Variants in GPC6 observed in about 807,000 individuals in gnomAD.
GPC6 encodes glypican-6.
In GPC6, 14 loss-of-function variants were observed where a neutral mutation model predicts 55.2. That is an observed-to-expected ratio of 0.25 (90% confidence interval 0.17 to 0.40). The LOEUF is 0.40. GPC6 is among the 10% of genes least tolerant of loss of function. GPC6 has a pLI of 1.00. For synonymous variants in GPC6, 278 were observed against 259.6 expected (o/e 1.07, Z -0.68); for missense variants, 641 against 708.5 (o/e 0.90, Z 1.08).
intron 4 of GPC6, among the ~76,000 whole-genome samples, chr13:94,084,335 C>T (rs970872235): frequency 6.6e-6 from 1 of 152,168 alleles, no homozygotes; most frequent in Non-Finnish European, 1.5e-5. Context: ...CTCCCTTCTA[C>T]ACAGTGTTTC....
At chr13:93,320,362 A>G (rs990220767) in intron 1 of GPC6, among the ~76,000 whole-genome samples, 37 of 151,884 alleles carry the variant, frequency 2.4e-4, no homozygotes, top group African/African-American at 8.9e-4. Context: ...ATATATATAA[A>G]TTTTTTAAAT....
chr13:93,231,375 A>G (rs1318877598), intron 1 of GPC6, among the ~76,000 whole-genome samples: 17 of 17,510 alleles, frequency 9.7e-4, no homozygotes, highest in African/African-American at 2.5e-3. Flanking sequence ...ATATATATAT[A>G]TATACATATA....
intron 6 of GPC6, among the ~76,000 whole-genome samples, chr13:94,342,845 G>T (rs963848241): frequency 6.6e-6 from 1 of 151,942 alleles, no homozygotes; most frequent in African/African-American, 2.4e-5. Context: ...AGACTGTCTC[G>T]CCAGCTCCCC....
chr13:93,830,334 G>T lies in GPC6; in HGVS notation c.500G>T (p.Arg167Leu), dbSNP rs751682331. 6.2e-7 allele frequency: 1 copy of T among 1,613,904 alleles called. No homozygotes were observed. The change falls in exon 3 of 9, where the codon CGG (arginine) becomes CTG (leucine). Residue 167 changes from arginine to leucine, a missense_variant. Coordinates refer to ENST00000377047, the MANE Select transcript of GPC6 (RefSeq NM_005708.5). ...LEEMLNDFWA[R>L]LLERMFQLIN... Reference sequence around the variant, plus strand: ...GAAATGCTCAATGACTTTTGGGCTCGGCTCCTGGAACGGATGTTTCAGCTG... The same window carrying T: ...GAAATGCTCAATGACTTTTGGGCTCTGCTCCTGGAACGGATGTTTCAGCTG...
At chr13:93,995,756 A>C (rs1881517533) in intron 3 of GPC6, among the ~76,000 whole-genome samples, 1 of 152,232 alleles carries the variant, frequency 6.6e-6, no homozygotes, top group African/African-American at 2.4e-5. Flanking sequence ...ATACCTTCTG[A>C]ATATTATTCA....
intron 1 of GPC6, among the ~76,000 whole-genome samples, chr13:93,534,540 G>A (rs992393368): frequency 3.0e-4 from 45 of 152,112 alleles, no homozygotes; most frequent in African/African-American, 1.0e-3. Context: ...TTCCCACCAC[G>A]CCACTCACCA....
intron 4 of GPC6, among the ~76,000 whole-genome samples, chr13:94,229,364 C>T (rs1341136210): frequency 6.6e-6 from 1 of 152,088 alleles, no homozygotes; most frequent in African/African-American, 2.4e-5. Context: ...TTATCAACGG[C>T]TATTTTATGT....
chr13:93,944,305 G>A (rs955482766), intron 3 of GPC6, among the ~76,000 whole-genome samples: 8 of 152,058 alleles, frequency 5.3e-5, no homozygotes, highest in Admixed American at 5.2e-4. Flanking sequence ...CCAGGTTCAC[G>A]CCATTCTCCT....
intron 2 of GPC6, among the ~76,000 whole-genome samples, chr13:93,765,849 C>G (rs966961462): frequency 6.6e-6 from 1 of 152,196 alleles, no homozygotes; most frequent in Admixed American, 6.5e-5. Context: ...GAGCTGTTCT[C>G]AAGTTGTTTC....
rs1208053039 is a variant in GPC6 at position 93,869,157 on chromosome 13, C to T, written c.711+38612C>T. Among the ~76,000 whole-genome samples the T allele has an allele frequency of 2.6e-5, 4 of 151,858 alleles. No homozygotes were observed. The East Asian group carries it at 5.9e-4, about 22-fold the overall frequency. Reference sequence around the variant, plus strand: ...TTCAAGTCCCTTTCTTTTTACAGCCCACGGTTGGAAAATGTTTCACACATC... The same window carrying T: ...TTCAAGTCCCTTTCTTTTTACAGCCTACGGTTGGAAAATGTTTCACACATC... On this transcript the variant is annotated intron_variant, in intron 3 of 8. Coordinates refer to ENST00000377047, the MANE Select transcript of GPC6 (RefSeq NM_005708.5).
chr13:93,369,274 C>CTT (rs149399715), intron 1 of GPC6, among the ~76,000 whole-genome samples: 51 of 152,132 alleles, frequency 3.4e-4, no homozygotes, highest in Non-Finnish European at 6.2e-4. Context: ...CATAATCCAA[C>CTT]TTTGTACTAT....
At chr13:93,416,150 T>C (rs1594154243) in intron 1 of GPC6, among the ~76,000 whole-genome samples, 1 of 152,212 alleles carries the variant, frequency 6.6e-6, no homozygotes, top group East Asian at 1.9e-4. Context: ...ATTGGTGTTA[T>C]TGAGCACTTC....
chr13:93,685,558 T>A (rs1320613921), intron 2 of GPC6, among the ~76,000 whole-genome samples: 1 of 152,190 alleles, frequency 6.6e-6, no homozygotes, highest in Non-Finnish European at 1.5e-5. Context: ...AAACACCTCA[T>A]TTAACATTAT....
At chr13:93,835,335 G>A (rs529436563) in intron 3 of GPC6, among the ~76,000 whole-genome samples, 10 of 152,246 alleles carry the variant, frequency 6.6e-5, no homozygotes, top group African/African-American at 1.4e-4. Flanking sequence ...TGCACCTGTA[G>A]TTCCAGCTAT....
chr13:94,271,382 G>GCGCGCACA lies in GPC6; in HGVS notation c.878-14966_878-14965insGCGCACAC, dbSNP rs1491286473. ...CACACACACACGCGCGCGCGCGCGC[G>GCGCGCACA]CACACACACACACACACACACACAC... On this transcript the variant is annotated intron_variant, in intron 4 of 8. Transcript: ENST00000377047. Among the ~76,000 whole-genome samples the GCGCGCACA allele has an allele frequency of 4.4e-3, 554 of 126,724 alleles. 5 individuals carry two copies. The highest frequency in any genetic ancestry group is 0.039 in the East Asian group (173 of 4,488). 83.1% of individuals were successfully genotyped at this position (126,724 alleles called of 152,430 possible).
chr13:93,806,532 G>T (rs1285672178), intron 2 of GPC6, among the ~76,000 whole-genome samples: 6 of 152,174 alleles, frequency 3.9e-5, no homozygotes, highest in South Asian at 4.1e-4. Flanking sequence ...TAGAGATGGG[G>T]TTTCACCATG....
At position 94,352,618 on chromosome 13, in the gene GPC6, C is replaced by T. The variant is rs1001798814; in HGVS notation, c.1153-29796C>T. Among the ~76,000 whole-genome samples, 4 of 152,314 alleles carry T rather than the reference C, an allele frequency of 2.6e-5. No individual in the cohort carries two copies. In the South Asian group the frequency reaches 6.2e-4, roughly 24 times the overall value. On this transcript the variant is annotated intron_variant, in intron 6 of 8. Transcript: ENST00000377047. The stretch of plus-strand genomic sequence containing the variant: ...TCTTTCCCTCCCCCATACTTCAGTC[C>T]TTCAGGCCTTAGGGTGGTAACTTTG...
chr13:94,355,229 G>C (rs1878737531), intron 6 of GPC6, among the ~76,000 whole-genome samples: 1 of 152,014 alleles, frequency 6.6e-6, no homozygotes, highest in South Asian at 2.1e-4. Flanking sequence ...TCACCATTTG[G>C]TCAGGCTGGT....
intron 3 of GPC6, among the ~76,000 whole-genome samples, chr13:93,865,724 C>G (rs1008489041): frequency 1.3e-5 from 2 of 151,648 alleles, no homozygotes; most frequent in Admixed American, 6.6e-5. Context: ...ACTAATTCAA[C>G]ATGTTTTCAT....
Sources: gnomAD v4.1 joint callset for allele counts (sites outside exome capture counted in the v4.1 genomes callset) on GRCh38, gnomAD v4.1.1 for gene constraint, MANE v1.5 for transcripts, NCBI Gene and HGNC (gene_info 2026-07-23, HGNC 2026-07-21) for gene names.